The following SYTL2 variants were observed in gnomAD, a reference collection of about 807,000 sequenced individuals.
SYTL2 encodes synaptotagmin like 2, also known as synaptotagmin-like protein 2.
SYTL2 carries 165 observed loss-of-function variants against 198.7 expected under a neutral mutation model. That is an observed-to-expected ratio of 0.83 (90% CI 0.73 to 0.94). The LOEUF (loss-of-function observed/expected upper bound fraction) is 0.94, where lower values mean the gene tolerates loss of function less well. Ranked by LOEUF, SYTL2 falls within the 40% of genes least tolerant of loss-of-function variation. The pLI is 0.00. For missense variants in SYTL2, 2,835 were observed against 2,582.8 expected, an observed-to-expected ratio of 1.10 and a Z score of -2.12; for synonymous variants, 966 against 917.7, an observed-to-expected ratio of 1.05 and a Z score of -0.95.
intron 8 of SYTL2, among the ~76,000 whole-genome samples, chr11:85,722,883 T>C (rs1591733954): frequency 1.3e-5 from 2 of 152,246 alleles, no homozygotes; most frequent in Middle Eastern, 3.4e-3. Flanking sequence ...CTTTGGTCAG[T>C]GTTCAAGAAG....
At chr11:85,714,062 C>T (rs1312102086) in intron 12 of SYTL2, among the ~76,000 whole-genome samples, 2 of 152,234 alleles carry the variant, frequency 1.3e-5, no homozygotes, top group East Asian at 3.8e-4. Context: ...ACTAGTCATG[C>T]TGCCTAAATT....
At chr11:85,792,787 C>A (rs2092749215) in intron 1 of SYTL2, among the ~76,000 whole-genome samples, 1 of 151,220 alleles carries the variant, frequency 6.6e-6, no homozygotes, top group Non-Finnish European at 1.5e-5. Flanking sequence ...GCTCCCCACA[C>A]CCCACAACAG....
At chr11:85,706,829 T>C (rs2085239851) in intron 15 of SYTL2, among the ~76,000 whole-genome samples, 1 of 150,364 alleles carries the variant, frequency 6.7e-6, no homozygotes, top group South Asian at 2.1e-4. Flanking sequence ...GTTTTTTTTG[T>C]TTTTTGTTTT....
chr11:85,808,829 C>G (rs1384876598), intron 1 of SYTL2, among the ~76,000 whole-genome samples: 1 of 152,046 alleles, frequency 6.6e-6, no homozygotes, highest in Non-Finnish European at 1.5e-5. Flanking sequence ...ATCTTATCCC[C>G]CCAACTTTTG....
chr11:85,795,947 C>T (rs562637093), intron 1 of SYTL2, among the ~76,000 whole-genome samples: 2 of 152,292 alleles, frequency 1.3e-5, no homozygotes, highest in South Asian at 4.1e-4. Context: ...GCCATCATCA[C>T]CAGGGGAATC....
chr11:85,720,697 G>A (rs1406672741), intron 9 of SYTL2, among the ~76,000 whole-genome samples, 161 bp downstream of exon 9: 2 of 152,134 alleles, frequency 1.3e-5, no homozygotes, highest in Non-Finnish European at 2.9e-5. Context: ...GCCACTTTAG[G>A]TTGAGCCTCT....
Position 85,706,517 on chromosome 11 carries a change from C to T in SYTL2, c.6018+912G>A, listed in dbSNP as rs887263163. ...CCCTCATAAGAGGAGGTATTTAAGA[C>T]AGTACAGGAGGCAGTTAGGGAAATA... On this transcript the variant is annotated intron_variant, in intron 15 of 19. Transcript: ENST00000359152. Among the ~76,000 whole-genome samples the T allele has an allele frequency of 9.8e-5, 15 of 152,290 alleles. No individual in the cohort carries two copies. The East Asian group carries it at 2.7e-3, about 27-fold the overall frequency.
At chr11:85,768,721 C>A (rs147214272) in intron 1 of SYTL2, among the ~76,000 whole-genome samples, 512 of 152,268 alleles carry the variant, frequency 3.4e-3, no homozygotes, top group African/African-American at 0.011. Flanking sequence ...ACTCCCACCC[C>A]CTGCTGCAGA....
In SYTL2 at chr11:85,734,840, A is replaced by T. The variant is rs371824270; in HGVS notation, c.587-98T>A. 57 of 914,842 alleles carry T rather than the reference A, an allele frequency of 6.2e-5. No individual in the cohort carries two copies. In the South Asian group the frequency reaches 9.4e-4, roughly 15 times the overall value. 56.7% of individuals were successfully genotyped at this position (914,842 alleles called of 1,614,324 possible). On this transcript the variant is annotated intron_variant, in intron 6 of 19. Coordinates refer to ENST00000359152, the MANE Select transcript of SYTL2 (RefSeq NM_206927.4). ...TTAACCTACACTTAGTGAAACTATT[A>T]AAATATTAAAGACAGTAAAGTATGT...
intron 9 of SYTL2, chr11:85,719,085 A>C (rs1451565621): frequency 6.7e-7 from 1 of 1,494,668 alleles, no homozygotes; most frequent in South Asian, 1.2e-5. Context: ...CAGACTCCCA[A>C]GGGTTAGAGG....
the SYTL2 span, among the ~76,000 whole-genome samples, chr11:85,826,595 T>C: frequency 6.6e-6 from 1 of 152,204 alleles, no homozygotes. Context: ...GGAGCCAGCG[T>C]CTGGAGGACA....
chr11:85,742,169 G>A (rs951354529), intron 4 of SYTL2, among the ~76,000 whole-genome samples: 3 of 152,154 alleles, frequency 2.0e-5, no homozygotes, highest in Admixed American at 6.5e-5. Context: ...GCATGGCCAC[G>A]CAGAGGTTTA....
At chr11:85,806,078 T>C (rs1170909716) in intron 1 of SYTL2, among the ~76,000 whole-genome samples, 1 of 152,140 alleles carries the variant, frequency 6.6e-6, no homozygotes, top group Non-Finnish European at 1.5e-5. Context: ...TTCAGCAGAG[T>C]GATTCATTCA....
At chr11:85,853,393 T>C in the SYTL2 span, 1 of 429,164 alleles carries the variant, frequency 2.3e-6, no homozygotes, top group South Asian at 1.6e-5. Flanking sequence ...ACATGTGCTG[T>C]GTCCACTCAG....
chr11:85,730,663 A>G (rs2089714999), intron 7 of SYTL2, among the ~76,000 whole-genome samples: 1 of 152,330 alleles, frequency 6.6e-6, no homozygotes, highest in East Asian at 1.9e-4. Flanking sequence ...AGCTGGAAGC[A>G]TTCTCTTTGA....
chr11:85,853,366 A>C, the SYTL2 span: 1 of 441,880 alleles, frequency 2.3e-6, no homozygotes, highest in South Asian at 1.6e-5. Flanking sequence ...CTTGCCCCCA[A>C]CCCGGTGCTC....
chr11:85,711,291 T>G, intron 12 of SYTL2, 59 bp from the exon 13 acceptor site: 1 of 1,572,624 alleles, frequency 6.4e-7, no homozygotes, highest in Admixed American at 1.8e-5. Context: ...AAGATCAGAA[T>G]CTCTGTTTAG....
chr11:85,840,042 G>A, the SYTL2 span, among the ~76,000 whole-genome samples: 13 of 152,130 alleles, frequency 8.5e-5, no homozygotes, highest in Admixed American at 2.0e-4. Context: ...GATCAATGAT[G>A]TTGAGCACCT....
the SYTL2 span, among the ~76,000 whole-genome samples, chr11:85,834,831 C>T: frequency 6.6e-6 from 1 of 151,574 alleles, no homozygotes; most frequent in Non-Finnish European, 1.5e-5. Flanking sequence ...GCACAATCAG[C>T]TCACCATAAC....
Sources: allele counts gnomAD v4.1 joint callset (sites outside exome capture counted in the v4.1 genomes callset), GRCh38; gene constraint gnomAD v4.1.1; transcripts MANE v1.5; gene names NCBI Gene and HGNC (gene_info 2026-07-23, HGNC 2026-07-21).